CHD6: variants seen among roughly 807,000 people sequenced by gnomAD.
CHD6 encodes ATP-dependent chromatin remodeler CHD6.
A neutral mutation model predicts 276.9 loss-of-function variants in CHD6; 50 were observed. The ratio of observed to expected loss-of-function variants is 0.18; its 90% CI spans 0.14 to 0.23. The LOEUF (loss-of-function observed/expected upper bound fraction) is 0.23. Ranked by LOEUF, CHD6 falls within the 10% of genes least tolerant of loss-of-function variation. CHD6 has a pLI of 1.00. For missense variants in CHD6, 2,564 were observed against 3,365.8 expected, an observed-to-expected ratio of 0.76 and a Z score of 5.89; for synonymous variants, 1,173 against 1,229.3, an observed-to-expected ratio of 0.95 and a Z score of 0.96.
intron 27 of CHD6, among the ~76,000 whole-genome samples, chr20:41,429,126 G>GACA (rs1261231684): frequency 6.6e-6 from 1 of 152,166 alleles, no homozygotes; most frequent in Admixed American, 6.5e-5. Flanking sequence ...TAGGAACTGT[G>GACA]GCACAGCACG....
chr20:41,522,470 T>A (rs948748653), intron 3 of CHD6, among the ~76,000 whole-genome samples: 2 of 152,186 alleles, frequency 1.3e-5, no homozygotes, highest in African/African-American at 2.4e-5. Context: ...AGCAGGATAT[T>A]TGCATGATCT....
chr20:41,442,891 T>A (rs560291831), intron 25 of CHD6, among the ~76,000 whole-genome samples: 95 of 152,334 alleles, frequency 6.2e-4, no homozygotes, highest in African/African-American at 2.2e-3. Context: ...TTGACTCCAA[T>A]GTAACCATCC....
intron 27 of CHD6, among the ~76,000 whole-genome samples, chr20:41,426,442 C>G (rs1217654091): frequency 6.6e-6 from 1 of 152,152 alleles, no homozygotes; most frequent in Non-Finnish European, 1.5e-5. Context: ...CTCTCTCTGG[C>G]AATTACATTT....
chr20:41,481,363 A>T lies in CHD6; in HGVS notation c.2468+1946T>A, dbSNP rs191260142. On this transcript the variant is annotated intron_variant, in intron 16 of 36. Coordinates refer to ENST00000373233, the MANE Select transcript of CHD6 (RefSeq NM_032221.5). Reference sequence around the variant, plus strand: ...ACACTGGGGAAAGTTTTTGCAACAAATTCTTATAAATAAACAAAAAGTCAA... The same window carrying T: ...ACACTGGGGAAAGTTTTTGCAACAATTTCTTATAAATAAACAAAAAGTCAA... 2.6e-4 allele frequency among the ~76,000 whole-genome samples: 40 copies of T among 152,078 alleles called. No homozygotes were observed. The East Asian group carries it at 6.5e-3, about 25-fold the overall frequency.
chr20:41,486,545 A>G lies in CHD6; in HGVS notation c.2001+1120T>C, dbSNP rs372129765. ...GTAGGAAGAAAGAGATTGGAACCCCAGGGTGTACGCTTGACATGTGGGCAA... is the reference window on the plus strand; with the variant it reads ...GTAGGAAGAAAGAGATTGGAACCCCGGGGTGTACGCTTGACATGTGGGCAA... On this transcript the variant is annotated intron_variant, in intron 14 of 36. Transcript: ENST00000373233. 1.4e-3 allele frequency among the ~76,000 whole-genome samples: 218 copies of G among 152,334 alleles called. 2 individuals are homozygous for G. Among genetic ancestry groups the G allele is most frequent in the African/African-American group, 5.1e-3 (212 of 41,592 alleles).
chr20:41,571,469 T>C (rs1017122831), intron 1 of CHD6, among the ~76,000 whole-genome samples: 2 of 149,918 alleles, frequency 1.3e-5, no homozygotes, highest in Non-Finnish European at 3.0e-5. Flanking sequence ...CTCAGCTCAC[T>C]GCACCCTCCA....
Position 41,547,391 on chromosome 20 carries a change from T to C in CHD6, c.33+3914A>G, listed in dbSNP as rs1362190936. On this transcript the variant is annotated intron_variant, in intron 2 of 36. Coordinates refer to ENST00000373233, the MANE Select transcript of CHD6 (RefSeq NM_032221.5). ...TGCAACTTCTTTCAGTCGTCCTGAA[T>C]CGGATTCATCTGACACAAGCTGCCT... 3 of 230,070 alleles carry C rather than the reference T, an allele frequency of 1.3e-5. No individual in the cohort carries two copies. The East Asian group carries it at 3.2e-4, about 25-fold the overall frequency. The allele number at this position is 230,070 out of a possible 1,614,324, so 14.3% of individuals were successfully genotyped here.
intron 1 of CHD6, among the ~76,000 whole-genome samples, chr20:41,604,011 T>A (rs551287164): frequency 9.8e-6 from 1 of 102,336 alleles, no homozygotes; most frequent in Non-Finnish European, 1.8e-5. Context: ...CGTGTTTGTA[T>A]AGGAAGGGTG....
At chr20:41,549,917 G>A (rs1379810781) in intron 2 of CHD6, among the ~76,000 whole-genome samples, 1 of 152,170 alleles carries the variant, frequency 6.6e-6, no homozygotes, top group Non-Finnish European at 1.5e-5. Context: ...TCCTGCCTCA[G>A]CCTCCTGAGT....
At position 41,411,996 on chromosome 20, in the gene CHD6, A is replaced by C; in HGVS notation, c.7251+148T>G. 6 of 1,132,220 alleles carry C rather than the reference A, an allele frequency of 5.3e-6. No individual in the cohort carries two copies. The South Asian group carries it at 6.5e-5, about 12-fold the overall frequency. 70.1% of individuals were successfully genotyped at this position (1,132,220 alleles called of 1,614,324 possible). Reference sequence around the variant, plus strand: ...TGCCACAGCACCATTTCTTGCTGCTAATCAACTTCCTGTGCTGGCTTCTAG... The same window carrying C: ...TGCCACAGCACCATTTCTTGCTGCTCATCAACTTCCTGTGCTGGCTTCTAG... On this transcript the variant is annotated intron_variant, in intron 36 of 36. Coordinates refer to ENST00000373233, the MANE Select transcript of CHD6 (RefSeq NM_032221.5).
rs561417801 is a variant in CHD6 at position 41,502,112 on chromosome 20, G to A, written c.853-2755C>T. On this transcript the variant is annotated intron_variant, in intron 5 of 36. Coordinates refer to ENST00000373233, the MANE Select transcript of CHD6 (RefSeq NM_032221.5). ...AATCCCTTAATGTGTCTTCTGAACA[G>A]AAATTCTATATAATCCATTTTATCA... 2.7e-3 allele frequency among the ~76,000 whole-genome samples: 418 copies of A among 152,202 alleles called. 1 individual carries two copies. The highest frequency in any genetic ancestry group is 9.3e-3 in the African/African-American group (385 of 41,532).
At chr20:41,555,254 C>A (rs2045211043) in intron 1 of CHD6, among the ~76,000 whole-genome samples, 1 of 136,878 alleles carries the variant, frequency 7.3e-6, no homozygotes, top group Non-Finnish European at 1.5e-5. Flanking sequence ...CCACCTCCCT[C>A]CTGGACGGGG....
intron 16 of CHD6, among the ~76,000 whole-genome samples, chr20:41,478,222 G>GC (rs373922879): frequency 1.6e-4 from 24 of 152,110 alleles, no homozygotes; most frequent in Admixed American, 1.2e-3. Context: ...GCTCCACAGT[G>GC]CCCCCCCATC....
intron 14 of CHD6, chr20:41,486,119 G>T (rs1825106346): frequency 6.6e-6 from 1 of 152,074 alleles, no homozygotes; most frequent in Non-Finnish European, 1.5e-5. Flanking sequence ...TATGGGTAAG[G>T]AATTACTATA....
At chr20:41,456,084 C>T (rs538802040) in intron 18 of CHD6, 105 bp from the exon 19 acceptor site, 1 of 1,076,838 alleles carries the variant, frequency 9.3e-7, no homozygotes, top group African/African-American at 1.6e-5. Context: ...CCATGAACTA[C>T]ATGTTAGAAC....
chr20:41,578,295 C>A (rs2045495831), intron 1 of CHD6, among the ~76,000 whole-genome samples: 1 of 152,038 alleles, frequency 6.6e-6, no homozygotes. Context: ...ATTTAGCAAA[C>A]TACAACTTTT....
At chr20:41,430,964 G>C (rs1010368412) in intron 27 of CHD6, among the ~76,000 whole-genome samples, 7 of 150,730 alleles carry the variant, frequency 4.6e-5, no homozygotes, top group African/African-American at 1.7e-4. Context: ...CTCCTGAGTA[G>C]CTGGGAGTAC....
At chr20:41,484,227 A>G (rs2043360246) in intron 15 of CHD6, 125 bp downstream of exon 15, 4 of 1,219,958 alleles carry the variant, frequency 3.3e-6, no homozygotes, top group Middle Eastern at 5.7e-4. Flanking sequence ...TATACTCTGT[A>G]AAAAGGTGAG....
chr20:41,520,509 T>G (rs904437639), intron 3 of CHD6, among the ~76,000 whole-genome samples: 46 of 152,188 alleles, frequency 3.0e-4, no homozygotes, highest in African/African-American at 1.1e-3. Flanking sequence ...GATGAGTTCA[T>G]GTTCTTTGTA....
Sources: allele counts gnomAD v4.1 joint callset (sites outside exome capture counted in the v4.1 genomes callset), GRCh38; gene constraint gnomAD v4.1.1; transcripts MANE v1.5; gene names NCBI Gene and HGNC (gene_info 2026-07-23, HGNC 2026-07-21).